RBFOX1: variants seen among roughly 807,000 people sequenced by gnomAD.
RBFOX1 encodes RNA binding protein fox-1 homolog 1.
A neutral mutation model predicts 57.7 loss-of-function variants in RBFOX1; 8 were observed. The observed-to-expected ratio is 0.14, with a 90% CI of 0.08 to 0.25. RBFOX1 has a LOEUF of 0.25. Ranked by LOEUF, RBFOX1 falls within the 10% of genes least tolerant of loss-of-function variation. The pLI, the probability that RBFOX1 is intolerant of heterozygous loss-of-function variation, is 1.00. For synonymous variants in RBFOX1, 326 were observed against 222.4 expected, an observed-to-expected ratio of 1.47 and a Z score of -4.15; for missense variants, 611 against 548.5, an observed-to-expected ratio of 1.11 and a Z score of -1.14.
chr16:6,058,441 T>C (rs1229259508), intron 1 of RBFOX1, among the ~76,000 whole-genome samples: 1 of 152,186 alleles, frequency 6.6e-6, no homozygotes, highest in Non-Finnish European at 1.5e-5. Context: ...TGTCATTGTT[T>C]ATGCTGGTTT....
chr16:6,283,105 T>C (rs2076563611), intron 1 of RBFOX1, among the ~76,000 whole-genome samples: 1 of 152,136 alleles, frequency 6.6e-6, no homozygotes, highest in South Asian at 2.1e-4. Flanking sequence ...GGCAGGAGGA[T>C]CACTTGAGCT....
intron 3 of RBFOX1, among the ~76,000 whole-genome samples, chr16:6,673,603 C>CA (rs2098781699): frequency 6.6e-6 from 1 of 151,798 alleles, no homozygotes; most frequent in Admixed American, 6.6e-5. Context: ...GACTCCATGT[C>CA]AAAAAAATAT....
intron 4 of RBFOX1, among the ~76,000 whole-genome samples, chr16:7,388,901 G>A (rs1031736248): frequency 2.6e-5 from 4 of 152,036 alleles, no homozygotes; most frequent in Non-Finnish European, 4.4e-5. Context: ...TTCAACTCAC[G>A]ATGAGTTTAT....
At chr16:5,289,206 T>C (rs1380408419) in intron 1 of RBFOX1, 2 of 325,794 alleles carry the variant, frequency 6.1e-6, no homozygotes, top group Non-Finnish European at 1.2e-5. Context: ...CTTATCTGTC[T>C]GGTCGAGTCA....
intron 13 of RBFOX1, among the ~76,000 whole-genome samples, chr16:7,667,233 C>T (rs932231906): frequency 2.6e-5 from 4 of 152,170 alleles, no homozygotes; most frequent in Non-Finnish European, 4.4e-5. Flanking sequence ...TAACATATTG[C>T]TGCTGGTGTG....
chr16:6,633,658 T>A (rs1381471287), intron 2 of RBFOX1, among the ~76,000 whole-genome samples: 5 of 152,080 alleles, frequency 3.3e-5, no homozygotes, highest in African/African-American at 4.8e-5. Context: ...AAGTAGTTAC[T>A]TGGTTTCCAG....
At position 7,448,927 on chromosome 16, in the gene RBFOX1, G is replaced by GTTTTTTTTTTT. The variant is rs71147700; in HGVS notation, c.28-69211_28-69201dup. ...CTTGGTAGACATTTTTCTTTCCCCTGTTTTTTTTTTTTTTTTTTTGAGATG... is the reference window on the plus strand; with the variant it reads ...CTTGGTAGACATTTTTCTTTCCCCTGTTTTTTTTTTTTTTTTTTTTTTTTTTTTTTGAGATG... On this transcript the variant is annotated intron_variant, in intron 4 of 15. Transcript: ENST00000550418. 4.3e-3 allele frequency among the ~76,000 whole-genome samples: 359 copies of GTTTTTTTTTTT among 82,888 alleles called. 11 individuals carry two copies. Among genetic ancestry groups the GTTTTTTTTTTT allele is most frequent in the Non-Finnish European group, 5.4e-3 (250 of 45,938 alleles). 54.4% of individuals were successfully genotyped at this position (82,888 alleles called of 152,430 possible).
At chr16:7,042,343 T>C (rs946075389) in intron 3 of RBFOX1, among the ~76,000 whole-genome samples, 3 of 152,154 alleles carry the variant, frequency 2.0e-5, no homozygotes, top group African/African-American at 7.2e-5. Flanking sequence ...CTGGAAACTG[T>C]GTACAATGGT....
At chr16:6,860,735 C>T (rs1029013001) in intron 3 of RBFOX1, among the ~76,000 whole-genome samples, 1 of 151,950 alleles carries the variant, frequency 6.6e-6, no homozygotes, top group African/African-American at 2.4e-5. Flanking sequence ...TCTCTGTGTG[C>T]CAGTGTGGAT....
At chr16:5,566,067 G>A (rs527527718) in intron 2 of RBFOX1, among the ~76,000 whole-genome samples, 14 of 152,126 alleles carry the variant, frequency 9.2e-5, no homozygotes, top group South Asian at 2.1e-4. Context: ...TGTGACTTTC[G>A]CCTTTCGCCA....
At chr16:5,705,242 T>A (rs1205807987) in intron 3 of RBFOX1, among the ~76,000 whole-genome samples, 3 of 152,182 alleles carry the variant, frequency 2.0e-5, no homozygotes, top group Non-Finnish European at 4.4e-5. Context: ...ATCCATGTGC[T>A]AATGGATCTC....
At chr16:6,837,463 A>G (rs12921644) in intron 3 of RBFOX1, among the ~76,000 whole-genome samples, 79,659 of 152,006 alleles carry the variant, frequency 0.52, 22,484 homozygotes, top group East Asian at 0.87. Flanking sequence ...TGAGCCACTC[A>G]GAAGGTGATG....
At chr16:7,589,151 T>G (rs572384959) in intron 7 of RBFOX1, among the ~76,000 whole-genome samples, 114 of 152,216 alleles carry the variant, frequency 7.5e-4, no homozygotes, top group Non-Finnish European at 1.4e-3. Context: ...TCTGTATTCT[T>G]GGCGAAATTG....
chr16:5,904,714 G>A (rs147129858), intron 4 of RBFOX1, among the ~76,000 whole-genome samples: 1 of 151,656 alleles, frequency 6.6e-6, no homozygotes, highest in East Asian at 2.0e-4. Context: ...ACAGTGTCTC[G>A]CGCCTGTAAT....
At chr16:5,765,827 T>C (rs918459992) in intron 3 of RBFOX1, among the ~76,000 whole-genome samples, 2 of 152,216 alleles carry the variant, frequency 1.3e-5, no homozygotes, top group Non-Finnish European at 2.9e-5. Context: ...TTCCAGACAC[T>C]AATGGCAAGA....
intron 4 of RBFOX1, among the ~76,000 whole-genome samples, chr16:7,324,242 A>C (rs951329961): frequency 7.2e-5 from 11 of 152,136 alleles, no homozygotes; most frequent in African/African-American, 2.2e-4. Flanking sequence ...TCTAAAGAGA[A>C]AATAATAGGC....
At chr16:5,745,087 TC>T (rs2052924449) in intron 3 of RBFOX1, among the ~76,000 whole-genome samples, 1 of 152,108 alleles carries the variant, frequency 6.6e-6, no homozygotes, top group Admixed American at 6.6e-5. Flanking sequence ...GTGCTATCCC[TC>T]CCCCTTCCCC....
At chr16:5,643,682 G>T (rs566054107) in intron 3 of RBFOX1, among the ~76,000 whole-genome samples, 1 of 152,208 alleles carries the variant, frequency 6.6e-6, no homozygotes, top group African/African-American at 2.4e-5. Flanking sequence ...CCAGAGCCTG[G>T]ATCTACTTAG....
chr16:5,261,897 C>T (rs1224880183), intron 1 of RBFOX1, among the ~76,000 whole-genome samples: 2 of 152,144 alleles, frequency 1.3e-5, no homozygotes, highest in Non-Finnish European at 2.9e-5. Flanking sequence ...CCTCTTGCAT[C>T]TTGTCTTCTT....
Sources: gnomAD v4.1 joint callset for allele counts (sites outside exome capture counted in the v4.1 genomes callset) on GRCh38, gnomAD v4.1.1 for gene constraint, MANE v1.5 for transcripts, NCBI Gene and HGNC (gene_info 2026-07-23, HGNC 2026-07-21) for gene names.